PATJ: variants seen among roughly 807,000 people sequenced by gnomAD.
PATJ encodes inaD-like protein.
PATJ carries 190 observed loss-of-function variants against 224.9 expected under a neutral mutation model. That is an observed-to-expected ratio of 0.84 (90% CI 0.75 to 0.95). PATJ has a LOEUF of 0.95. PATJ is among the 40% of genes least tolerant of loss of function. The probability of loss-of-function intolerance (pLI) is 0.00; values close to 1 mark genes in which losing one functional copy is unlikely to be tolerated. For missense variants in PATJ, 2,121 were observed against 2,270.3 expected (o/e 0.93, Z 1.34); for synonymous variants, 769 against 820.3 (o/e 0.94, Z 1.07).
At position 62,162,901 on chromosome 1, in the gene PATJ, C is replaced by G; in HGVS notation, c.*1847C>G. On this transcript the variant is annotated 3_prime_UTR_variant, in exon 44 of 44. Coordinates refer to ENST00000642238, the MANE Select transcript of PATJ (RefSeq NM_001350145.3). ...GGTGGAGGTTGCAGTGAGCCAAGTT[C>G]GTGCCACTCCACTCCAGCCTGGGTG... The G allele has an allele frequency of 2.8e-6, 1 of 352,860 alleles. No homozygotes were observed. Among genetic ancestry groups the G allele is most frequent in the Non-Finnish European group, 5.4e-6 (1 of 183,512 alleles). 21.9% of individuals were successfully genotyped at this position (352,860 alleles called of 1,614,324 possible).
intron 31 of PATJ, among the ~76,000 whole-genome samples, chr1:62,067,188 G>A (rs56811366): frequency 0.099 from 14,189 of 143,274 alleles, 1,675 homozygotes; most frequent in African/African-American, 0.29. Context: ...GTGCAGTGGT[G>A]CAATCTTGGC....
At chr1:61,969,002 T>C (rs1447873133) in intron 27 of PATJ, among the ~76,000 whole-genome samples, 4 of 152,250 alleles carry the variant, frequency 2.6e-5, no homozygotes, top group Admixed American at 1.3e-4. Flanking sequence ...GACTGCCTTA[T>C]TTCACATAGC....
At chr1:62,100,371 T>C (rs1661997790) in intron 33 of PATJ, 1 of 718,292 alleles carries the variant, frequency 1.4e-6, no homozygotes, top group African/African-American at 1.7e-5. Flanking sequence ...GTGAGGGCCT[T>C]CATGCTGCAT....
intron 27 of PATJ, among the ~76,000 whole-genome samples, chr1:61,935,205 C>T (rs1198461507): frequency 6.6e-6 from 1 of 152,182 alleles, no homozygotes; most frequent in Non-Finnish European, 1.5e-5. Context: ...ATAGACATGT[C>T]TCTGTCTATG....
intron 33 of PATJ, among the ~76,000 whole-genome samples, chr1:62,088,442 C>A (rs1055710303): frequency 6.6e-6 from 1 of 152,156 alleles, no homozygotes; most frequent in African/African-American, 2.4e-5. Context: ...CTCTAAGCCA[C>A]TCTTCCCAAA....
At chr1:62,146,902 T>A (rs552739249) in intron 41 of PATJ, among the ~76,000 whole-genome samples, 1 of 151,720 alleles carries the variant, frequency 6.6e-6, no homozygotes, top group Admixed American at 6.6e-5. Flanking sequence ...ACTGGAAAAA[T>A]CAAGCTACAG....
At chr1:62,003,623 C>G (rs7517453) in intron 28 of PATJ, among the ~76,000 whole-genome samples, 86 of 152,194 alleles carry the variant, frequency 5.7e-4, no homozygotes, top group African/African-American at 2.0e-3. Context: ...GAAGTGGCTG[C>G]TTGTTGTACA....
intron 27 of PATJ, among the ~76,000 whole-genome samples, chr1:61,966,231 T>C (rs551375834): frequency 4.6e-5 from 7 of 152,144 alleles, no homozygotes; most frequent in African/African-American, 1.7e-4. Flanking sequence ...CTTTGGGTGC[T>C]TTGTACCAGG....
At chr1:62,134,330 C>CTTTTT (rs779235130) in intron 41 of PATJ, among the ~76,000 whole-genome samples, 1 of 96,488 alleles carries the variant, frequency 1.0e-5, no homozygotes, top group Non-Finnish European at 1.9e-5. Flanking sequence ...CCAGCCCTCT[C>CTTTTT]TTTTTTTTTT....
At chr1:62,120,115 A>G (rs1290365917) in intron 37 of PATJ, among the ~76,000 whole-genome samples, 2 of 151,254 alleles carry the variant, frequency 1.3e-5, no homozygotes, top group Non-Finnish European at 3.0e-5. Flanking sequence ...CTTTAAATGT[A>G]TATAGCCACT....
chr1:61,868,703 C>T (rs976123918), intron 20 of PATJ, among the ~76,000 whole-genome samples: 10 of 152,008 alleles, frequency 6.6e-5, no homozygotes, highest in East Asian at 1.9e-4. Context: ...CCAGGAGAAT[C>T]GCTTCAAACT....
intron 33 of PATJ, among the ~76,000 whole-genome samples, chr1:62,098,565 A>G (rs1661692233): frequency 6.6e-6 from 1 of 151,560 alleles, no homozygotes; most frequent in Non-Finnish European, 1.5e-5. Flanking sequence ...ATTGCACTCC[A>G]GTCTGGATAA....
At chr1:61,914,312 T>C (rs140356772) in intron 25 of PATJ, among the ~76,000 whole-genome samples, 2,350 of 152,092 alleles carry the variant, frequency 0.015, 55 homozygotes, top group African/African-American at 0.053. Context: ...AAAAATTAGC[T>C]GGGTGTGGTG....
At chr1:61,994,615 C>T (rs150121278) in intron 28 of PATJ, among the ~76,000 whole-genome samples, 3,475 of 151,596 alleles carry the variant, frequency 0.023, 83 homozygotes, top group African/African-American at 0.056. Flanking sequence ...AGTGCAATGG[C>T]GCCACCTTGG....
chr1:62,027,947 T>C (rs185267665), intron 29 of PATJ, among the ~76,000 whole-genome samples: 205 of 152,316 alleles, frequency 1.3e-3, no homozygotes, highest in Non-Finnish European at 2.3e-3. Flanking sequence ...CTGTTCACTC[T>C]GTTGATTGTG....
intron 7 of PATJ, among the ~76,000 whole-genome samples, chr1:61,784,810 A>G (rs1047045888): frequency 2.6e-5 from 4 of 152,216 alleles, no homozygotes; most frequent in Non-Finnish European, 4.4e-5. Flanking sequence ...TGAAAACAGA[A>G]TATCAGATTA....
In PATJ at chr1:61,957,698, GC is replaced by G. The variant is rs1322027863; in HGVS notation, c.3670+29870del. Among the ~76,000 whole-genome samples the G allele has an allele frequency of 1.3e-4, 20 of 152,284 alleles. 1 individual carries two copies. The highest frequency in any genetic ancestry group is 4.8e-4 in the African/African-American group (20 of 41,566). ...GGTAAAGAAAAGTCTTATTGTTGAT[GC>G]TTTCAAACTACAAAAAACCAGAGTT... On this transcript the variant is annotated intron_variant, in intron 27 of 43. Transcript: ENST00000642238.
At chr1:62,098,358 C>CAAAAAAAAAAAAAAA (rs57285107) in intron 33 of PATJ, among the ~76,000 whole-genome samples, 2 of 123,444 alleles carry the variant, frequency 1.6e-5, no homozygotes, top group East Asian at 2.3e-4. Flanking sequence ...GACTCCATCT[C>CAAAAAAAAAAAAAAA]AAAAAAAAAA....
At chr1:61,967,154 T>C (rs1398392329) in intron 27 of PATJ, among the ~76,000 whole-genome samples, 10 of 152,172 alleles carry the variant, frequency 6.6e-5, no homozygotes. Context: ...TATTGCAGAG[T>C]TGAATTGCAT....
Sources: gnomAD v4.1 joint callset for allele counts (sites outside exome capture counted in the v4.1 genomes callset) on GRCh38, gnomAD v4.1.1 for gene constraint, MANE v1.5 for transcripts, NCBI Gene and HGNC (gene_info 2026-07-23, HGNC 2026-07-21) for gene names.